The following CAPNS1 variants were observed in gnomAD, a reference collection of about 807,000 sequenced individuals.
CAPNS1 encodes the protein calpain small subunit 1.
CAPNS1 carries 32 observed loss-of-function variants against 39.2 expected under a neutral mutation model. That is an observed-to-expected ratio of 0.82 (90% CI 0.62 to 1.10). The LOEUF (loss-of-function observed/expected upper bound fraction) is 1.10. CAPNS1 is among the 50% of genes least tolerant of loss of function. The probability of loss-of-function intolerance (pLI) is 0.00; values close to 1 mark genes in which losing one functional copy is unlikely to be tolerated. For synonymous variants in CAPNS1, 153 were observed against 136.2 expected (o/e 1.12, Z -0.86); for missense variants, 353 against 373.1 (o/e 0.95, Z 0.44).
chr19:36,145,913 C>A (rs1974546795), intron 7 of CAPNS1, 39 bp downstream of exon 7: 2 of 1,612,740 alleles, frequency 1.2e-6, no homozygotes, highest in African/African-American at 1.3e-5. Context: ...ACCCAGACCC[C>A]CAAGCCATGG....
Position 36,145,203 on chromosome 19 carries a change from C to CTTT in CAPNS1, c.457-586_457-584dup, listed in dbSNP as rs5827950. On this transcript the variant is annotated intron_variant, in intron 6 of 10. Transcript: ENST00000246533. The stretch of plus-strand genomic sequence containing the variant: ...CTGTCAAGAATTTTCTTTTCTTTCT[C>CTTT]TTTTTTTTTTTTTTTTTTTGAGACA... Among the ~76,000 whole-genome samples, 664 of 118,252 alleles carry CTTT rather than the reference C, an allele frequency of 5.6e-3. 30 individuals are homozygous for CTTT. Among genetic ancestry groups the CTTT allele is most frequent in the Admixed American group, 8.7e-3 (86 of 9,940 alleles). The allele number at this position is 118,252 out of a possible 152,430, so 77.6% of individuals were successfully genotyped here.
intron 8 of CAPNS1, 58 bp from the exon 9 acceptor site, chr19:36,146,138 G>T: frequency 6.3e-7 from 1 of 1,580,906 alleles, no homozygotes; most frequent in South Asian, 1.1e-5. Context: ...TGACTCCTGG[G>T]CATGGGAGTG....
intron 9 of CAPNS1, 30 bp from the exon 10 acceptor site, chr19:36,149,548 G>A: frequency 6.9e-7 from 1 of 1,441,172 alleles, no homozygotes; most frequent in Non-Finnish European, 9.1e-7. Context: ...TTCCTTCCCT[G>A]CCGCCAAACC....
intron 2 of CAPNS1, 37 bp from the exon 3 acceptor site, chr19:36,142,263 C>A: frequency 1.3e-6 from 2 of 1,517,228 alleles, no homozygotes; most frequent in Non-Finnish European, 1.8e-6. Context: ...GGAGGCCCCG[C>A]CCCTGGCACT....
intron 2 of CAPNS1, among the ~76,000 whole-genome samples, 169 bp from the exon 3 acceptor site, chr19:36,142,131 C>G (rs1974395448): frequency 6.6e-6 from 1 of 152,056 alleles, no homozygotes; most frequent in Admixed American, 6.6e-5. Flanking sequence ...GGGGCACGAC[C>G]AGGGCAGTGT....
chr19:36,143,332 C>T (rs898484615), intron 6 of CAPNS1, among the ~76,000 whole-genome samples: 3 of 152,102 alleles, frequency 2.0e-5, no homozygotes, highest in Admixed American at 6.5e-5. Context: ...GTGACCGAAC[C>T]GTCATAACCA....
At position 36,146,015 on chromosome 19, in the gene CAPNS1, A is replaced by G. The variant is rs759700399; in HGVS notation, c.565A>G (p.Ile189Val). The G allele has an allele frequency of 1.2e-6, 2 of 1,614,058 alleles. No individual in the cohort carries two copies. The highest frequency in any genetic ancestry group is 1.3e-5 in the African/African-American group (1 of 74,922). Residue 189 changes from isoleucine (I) to valine (V), a missense_variant, in exon 8 of 11, where the codon ATT becomes GTT. Coordinates refer to ENST00000246533, the MANE Select transcript of CAPNS1 (RefSeq NM_001749.4). ...KQFDTDRSGT[I>V]CSSELPGAFE... The stretch of plus-strand genomic sequence containing the variant: ...GTTCGACACTGACCGATCAGGGACC[A>G]TTTGCAGTAGTGAACTCCCAGGTGC...
At chr19:36,141,252 T>C in intron 2 of CAPNS1, 32 bp downstream of exon 2, 1 of 1,500,836 alleles carries the variant, frequency 6.7e-7, no homozygotes, top group Admixed American at 2.5e-5. Flanking sequence ...GGGCGGGGCC[T>C]GGGAATGGGA....
intron 2 of CAPNS1, 61 bp from the exon 3 acceptor site, chr19:36,142,239 T>C: frequency 4.0e-6 from 4 of 1,006,602 alleles, no homozygotes; most frequent in Non-Finnish European, 4.8e-6. Context: ...GATGGTTCTG[T>C]AGTGCTGCCC....
In CAPNS1 at chr19:36,142,757, TC is replaced by T; in HGVS notation, c.333+19del. 6.2e-7 allele frequency: 1 copy of T among 1,608,946 alleles called. No individual in the cohort carries two copies. Among genetic ancestry groups the T allele is most frequent in the South Asian group, 1.1e-5 (1 of 90,966 alleles). ...GGCTGGAGATGTAAGTAACCTGGGGTCCCTGGCCCCGTCCTAACCGTTCCAT... is the reference window on the plus strand; with the variant it reads ...GGCTGGAGATGTAAGTAACCTGGGGTCCTGGCCCCGTCCTAACCGTTCCAT... On this transcript the variant is annotated intron_variant, in intron 4 of 10. Transcript: ENST00000246533.
intron 9 of CAPNS1, 68 bp downstream of exon 9, chr19:36,146,380 T>A: frequency 1.0e-6 from 1 of 996,156 alleles, no homozygotes; most frequent in South Asian, 1.3e-5. Flanking sequence ...AGGTCTCCTC[T>A]AAGCCTGACT....
At chr19:36,149,142 C>A (rs867025549) in intron 9 of CAPNS1, among the ~76,000 whole-genome samples, 4 of 152,330 alleles carry the variant, frequency 2.6e-5, no homozygotes, top group Middle Eastern at 6.8e-3. Flanking sequence ...AGATTGGATT[C>A]CAATCCTGAT....
At chr19:36,141,322 C>G in intron 2 of CAPNS1, 102 bp downstream of exon 2, 1 of 1,405,076 alleles carries the variant, frequency 7.1e-7, no homozygotes. Flanking sequence ...TAGGATTAAC[C>G]TGGAGGCTAA....
chr19:36,145,689 C>T (rs17885114), intron 6 of CAPNS1, 117 bp from the exon 7 acceptor site: 15 of 762,206 alleles, frequency 2.0e-5, no homozygotes, highest in Middle Eastern at 3.5e-4. Context: ...TAGGACCAAG[C>T]GGGAGCTGGA....
In CAPNS1 at chr19:36,149,629, T is replaced by C; in HGVS notation, c.773T>C (p.Ile258Thr). 6.4e-7 allele frequency: 1 copy of C among 1,559,566 alleles called. No individual in the cohort carries two copies. The highest frequency in any genetic ancestry group is 2.0e-5 in the Admixed American group (1 of 51,266). Residue 258 changes from isoleucine to threonine, a missense_variant, in exon 10 of 11, where the codon ATC (isoleucine) becomes ACC (threonine). Ile to Thr is a moderately conservative substitution (Grantham distance 89, BLOSUM62 -1). Coordinates refer to ENST00000246533, the MANE Select transcript of CAPNS1 (RefSeq NM_001749.4). ...KDGTGQIQVN[I>T]QEWLQLTMYS ...GGCACTGGACAAATCCAGGTGAACA[T>C]CCAGGAGGTAAGGACCCCCATATTG...
At position 36,141,074 on chromosome 19, in the gene CAPNS1, G is replaced by T; in HGVS notation, c.63G>T (p.Leu21=). 1.3e-6 allele frequency: 2 copies of T among 1,496,390 alleles called. No homozygotes were observed. The highest frequency in any genetic ancestry group is 1.2e-5 in the South Asian group (1 of 81,438). 92.7% of individuals were successfully genotyped at this position (1,496,390 alleles called of 1,614,324 possible). ...GCGGCGGCGGGGGAGGCGGGGGCCT[G>T]GGTGGGGGCCTGGGAAATGTGCTTG... The part of the protein sequence containing the change: ...GGGGGGGGGG[L]GGGLGNVLGG... Residue 21 remains leucine (L), a synonymous_variant, in exon 2 of 11, where the codon CTG becomes CTT. Transcript: ENST00000246533.
chr19:36,146,245 A>G lies in CAPNS1; in HGVS notation c.654A>G (p.Ser218=). The part of the protein sequence containing the change: ...HLYNMIIRRY[S]DESGNMDFDN... ...ATAACATGATCATCCGACGCTACTC[A>G]GATGAAAGTGGGAACATGGATTTTG... The change falls in exon 9 of 11, where the codon TCA becomes TCG. Residue 218 remains serine (S), a synonymous_variant. Coordinates refer to ENST00000246533, the MANE Select transcript of CAPNS1 (RefSeq NM_001749.4). 1 of 1,613,976 alleles carries G rather than the reference A, an allele frequency of 6.2e-7. No homozygotes were observed.
At chr19:36,145,924 A>G (rs1974547455) in intron 7 of CAPNS1, 50 bp downstream of exon 7, 1 of 1,612,734 alleles carries the variant, frequency 6.2e-7, no homozygotes. Flanking sequence ...CAAGCCATGG[A>G]GACACTATGC....
At chr19:36,142,011 G>A (rs926773346) in intron 2 of CAPNS1, among the ~76,000 whole-genome samples, 7 of 152,132 alleles carry the variant, frequency 4.6e-5, no homozygotes, top group African/African-American at 1.7e-4. Context: ...GGGTGGCCAA[G>A]ATGACTGAAA....
Sources: allele counts gnomAD v4.1 joint callset (sites outside exome capture counted in the v4.1 genomes callset), GRCh38; gene constraint gnomAD v4.1.1; transcripts MANE v1.5; gene names NCBI Gene and HGNC (gene_info 2026-07-23, HGNC 2026-07-21).